BAZ2B: variants seen among roughly 807,000 people sequenced by gnomAD.
The protein encoded by BAZ2B is bromodomain adjacent to zinc finger domain protein 2B.
In BAZ2B, 91 loss-of-function variants were observed where a neutral mutation model predicts 246.0. That is an observed-to-expected ratio of 0.37 (90% CI 0.31 to 0.44). BAZ2B has a LOEUF of 0.44. Ranked by LOEUF, BAZ2B falls within the 20% of genes least tolerant of loss-of-function variation. The probability of loss-of-function intolerance (pLI) is 1.00; values close to 1 mark genes in which losing one functional copy is unlikely to be tolerated. For missense variants in BAZ2B, 2,332 were observed against 2,533.7 expected (o/e 0.92, Z 1.71); for synonymous variants, 855 against 860.0 (o/e 0.99, Z 0.10).
At chr2:159,559,238 G>GT (rs1257483368) in intron 1 of BAZ2B, among the ~76,000 whole-genome samples, 3 of 148,342 alleles carry the variant, frequency 2.0e-5, no homozygotes, top group Non-Finnish European at 3.0e-5. Context: ...GAGTAACCCT[G>GT]TTAAAAAAAA....
intron 1 of BAZ2B, among the ~76,000 whole-genome samples, chr2:159,606,975 A>G (rs1361511508): frequency 7.2e-6 from 1 of 138,690 alleles, no homozygotes; most frequent in Non-Finnish European, 1.5e-5. Context: ...GCTGGAGTGC[A>G]GTGGTACTAT....
chr2:159,659,823 C>T, the BAZ2B span, among the ~76,000 whole-genome samples: 3 of 152,292 alleles, frequency 2.0e-5, no homozygotes, highest in Admixed American at 6.5e-5. Context: ...TTGTTTCTGA[C>T]AAATTTATCC....
intron 30 of BAZ2B, 40 bp from the exon 31 acceptor site, chr2:159,347,686 A>G: frequency 4.0e-6 from 6 of 1,504,798 alleles, no homozygotes; most frequent in Non-Finnish European, 5.4e-6. Context: ...TCCACTTATT[A>G]AGCTTTTCCC....
At chr2:159,551,297 G>A (rs184768456) in intron 2 of BAZ2B, among the ~76,000 whole-genome samples, 14 of 151,892 alleles carry the variant, frequency 9.2e-5, no homozygotes, top group Admixed American at 7.9e-4. Context: ...GTGAAACCCC[G>A]TCTCTACTAA....
At chr2:159,381,809 T>G (rs1311055480) in intron 25 of BAZ2B, among the ~76,000 whole-genome samples, 1 of 152,208 alleles carries the variant, frequency 6.6e-6, no homozygotes, top group Non-Finnish European at 1.5e-5. Context: ...ACTGAAGCAC[T>G]TGCAATCCCC....
At chr2:159,408,525 C>A (rs1261308966) in intron 14 of BAZ2B, among the ~76,000 whole-genome samples, 1 of 152,010 alleles carries the variant, frequency 6.6e-6, no homozygotes, top group South Asian at 2.1e-4. Context: ...CAACTCACAT[C>A]TTTTTACTTT....
intron 13 of BAZ2B, among the ~76,000 whole-genome samples, chr2:159,423,656 T>C (rs1306179103): frequency 6.6e-6 from 1 of 152,218 alleles, no homozygotes; most frequent in African/African-American, 2.4e-5. Context: ...AAGAAAATGG[T>C]ATATATACAC....
the BAZ2B span, among the ~76,000 whole-genome samples, chr2:159,700,637 G>A: frequency 6.6e-6 from 1 of 152,188 alleles, no homozygotes; most frequent in Non-Finnish European, 1.5e-5. Flanking sequence ...TGTAGAGACA[G>A]GGTTTCACCA....
At chr2:159,368,690 T>C (rs1277757922) in intron 27 of BAZ2B, among the ~76,000 whole-genome samples, 1 of 152,172 alleles carries the variant, frequency 6.6e-6, no homozygotes, top group East Asian at 1.9e-4. Context: ...GCAGTTGTTT[T>C]AGATCCATTA....
chr2:159,692,111 C>A, the BAZ2B span, among the ~76,000 whole-genome samples: 3 of 151,966 alleles, frequency 2.0e-5, no homozygotes, highest in African/African-American at 7.3e-5. Flanking sequence ...TAGACTAGTA[C>A]CTACATATAT....
At chr2:159,559,638 A>T (rs1192116374) in intron 1 of BAZ2B, among the ~76,000 whole-genome samples, 1 of 152,220 alleles carries the variant, frequency 6.6e-6, no homozygotes, top group East Asian at 1.9e-4. Flanking sequence ...TCATGGTAGC[A>T]ATTTTTATAC....
chr2:159,474,827 C>T (rs898208861), intron 3 of BAZ2B, among the ~76,000 whole-genome samples: 3 of 152,076 alleles, frequency 2.0e-5, no homozygotes, highest in South Asian at 2.1e-4. Flanking sequence ...CTCAGTTTGG[C>T]GGGGTATGAA....
At chr2:159,465,541 A>G (rs1157112774) in intron 3 of BAZ2B, among the ~76,000 whole-genome samples, 2 of 152,224 alleles carry the variant, frequency 1.3e-5, no homozygotes, top group Non-Finnish European at 2.9e-5. Context: ...TCTACTAAAA[A>G]GTGAAGTAAA....
At chr2:159,348,922 A>G in intron 29 of BAZ2B, 85 bp downstream of exon 29, 2 of 1,551,854 alleles carry the variant, frequency 1.3e-6, no homozygotes, top group Admixed American at 3.8e-5. Flanking sequence ...AACTATATAT[A>G]GAACCATCAA....
At chr2:159,469,284 A>C (rs1042007827) in intron 3 of BAZ2B, among the ~76,000 whole-genome samples, 2 of 152,116 alleles carry the variant, frequency 1.3e-5, no homozygotes, top group African/African-American at 2.4e-5. Flanking sequence ...ACAGACATTA[A>C]AAGAATGAGG....
At chr2:159,526,345 T>C (rs976706456) in intron 2 of BAZ2B, among the ~76,000 whole-genome samples, 1 of 152,110 alleles carries the variant, frequency 6.6e-6, no homozygotes, top group East Asian at 1.9e-4. Context: ...TAGACCGTAA[T>C]ACAGTAATTC....
chr2:159,569,872 A>C (rs1295040466), intron 1 of BAZ2B, among the ~76,000 whole-genome samples: 1 of 152,102 alleles, frequency 6.6e-6, no homozygotes, highest in Non-Finnish European at 1.5e-5. Flanking sequence ...TTCAGCAGTT[A>C]ATTCACCTGT....
chr2:159,395,718 G>A (rs35509321), intron 20 of BAZ2B, 51 bp downstream of exon 20: 21 of 1,445,564 alleles, frequency 1.5e-5, no homozygotes, highest in Non-Finnish European at 1.8e-5. Context: ...CAATGCTTTA[G>A]GAAAAAGCAT....
At chr2:159,661,192 T>G in the BAZ2B span, among the ~76,000 whole-genome samples, 9 of 152,212 alleles carry the variant, frequency 5.9e-5, no homozygotes, top group African/African-American at 2.2e-4. Flanking sequence ...AATCATATAG[T>G]ATGTATTCCC....
Sources: allele counts gnomAD v4.1 joint callset (sites outside exome capture counted in the v4.1 genomes callset), GRCh38; gene constraint gnomAD v4.1.1; transcripts MANE v1.5; gene names NCBI Gene and HGNC (gene_info 2026-07-23, HGNC 2026-07-21).